The following TENM2 variants were observed in gnomAD, a reference collection of about 807,000 sequenced individuals.
TENM2 encodes teneurin transmembrane protein 2, also known as teneurin-2.
TENM2 carries 52 observed loss-of-function variants against 245.2 expected under a neutral mutation model. The observed-to-expected ratio is 0.21, with a 90% confidence interval of 0.17 to 0.27. TENM2 has a LOEUF of 0.27. Among genes scored for constraint, TENM2 ranks in the 10% least tolerant of loss-of-function variants. The pLI is 1.00. For missense variants in TENM2, 3,046 were observed against 3,666.8 expected (o/e 0.83, Z 4.37); for synonymous variants, 1,363 against 1,438.9 (o/e 0.95, Z 1.19).
intron 2 of TENM2, among the ~76,000 whole-genome samples, chr5:167,819,387 G>A (rs1767324105): frequency 6.6e-6 from 1 of 152,232 alleles, no homozygotes; most frequent in South Asian, 2.1e-4. Context: ...TTCAGGAGAA[G>A]CTGTTGAGAG....
rs546874434 is a variant in TENM2 at position 168,065,854 on chromosome 5, GT to G, written c.1515+3602del. Among the ~76,000 whole-genome samples, 803 of 144,128 alleles carry G rather than the reference GT, an allele frequency of 5.6e-3. 4 individuals carry two copies. Among genetic ancestry groups the G allele is most frequent in the African/African-American group, 0.017 (672 of 39,546 alleles). 94.6% of individuals were successfully genotyped at this position (144,128 alleles called of 152,430 possible). A position where few individuals can be genotyped will look rare whatever the true frequency, so the allele number is the denominator to read the frequency against. ...ATAATGGTAGCCTCAAAGAACAAAG[GT>G]TTTTTTTTTTTTCTTGTTTATGCTA... is the stretch of plus-strand genomic sequence containing the variant. On this transcript the variant is annotated intron_variant, in intron 7 of 28. Coordinates refer to ENST00000518659, the Ensembl canonical transcript of TENM2.
At chr5:167,632,586 C>T (rs1251408145) in intron 2 of TENM2, among the ~76,000 whole-genome samples, 2 of 152,080 alleles carry the variant, frequency 1.3e-5, no homozygotes, top group Non-Finnish European at 2.9e-5. Flanking sequence ...AATTTCAAAG[C>T]AGTTTGTTTA....
chr5:167,489,669 G>C (rs1218197615), intron 2 of TENM2, among the ~76,000 whole-genome samples: 1 of 152,060 alleles, frequency 6.6e-6, no homozygotes, highest in Non-Finnish European at 1.5e-5. Context: ...CTTCATTAAG[G>C]CTGGGATTTT....
chr5:168,007,207 A>C (rs1784890612), intron 5 of TENM2, among the ~76,000 whole-genome samples: 1 of 151,758 alleles, frequency 6.6e-6, no homozygotes, highest in Non-Finnish European at 1.5e-5. Flanking sequence ...GCTCACTGCA[A>C]CACCTCTGCC....
chr5:167,314,103 A>G (rs574102693), intron 1 of TENM2, among the ~76,000 whole-genome samples: 18 of 152,296 alleles, frequency 1.2e-4, no homozygotes, highest in African/African-American at 4.3e-4. Flanking sequence ...ATAATGTTGG[A>G]AGGAAATTGG....
chr5:168,058,244 A>C (rs1208933452), intron 6 of TENM2, among the ~76,000 whole-genome samples: 1 of 152,182 alleles, frequency 6.6e-6, no homozygotes, highest in Non-Finnish European at 1.5e-5. Flanking sequence ...CTGTCATCAC[A>C]GGGGTTTTGT....
the TENM2 span, among the ~76,000 whole-genome samples, chr5:167,003,504 C>A: frequency 2.6e-5 from 4 of 152,186 alleles, no homozygotes; most frequent in Non-Finnish European, 5.9e-5. Context: ...TAGTTGAAAT[C>A]ACTTCATGGC....
At chr5:167,153,544 A>C in the TENM2 span, among the ~76,000 whole-genome samples, 1 of 152,066 alleles carries the variant, frequency 6.6e-6, no homozygotes, top group Non-Finnish European at 1.5e-5. Context: ...GAGGGCAGGC[A>C]CATTCAGTGT....
chr5:167,884,631 C>A (rs527764459), intron 3 of TENM2, among the ~76,000 whole-genome samples: 2 of 152,162 alleles, frequency 1.3e-5, no homozygotes, highest in Non-Finnish European at 2.9e-5. Context: ...CCTTATATAC[C>A]ACATTTTGTT....
At chr5:167,836,279 T>G (rs1014591271) in intron 2 of TENM2, among the ~76,000 whole-genome samples, 4 of 152,212 alleles carry the variant, frequency 2.6e-5, no homozygotes, top group African/African-American at 9.6e-5. Context: ...TAATTTAAAT[T>G]TTTAATTGCC....
chr5:167,680,034 A>T (rs957923259), intron 2 of TENM2, among the ~76,000 whole-genome samples: 30 of 151,962 alleles, frequency 2.0e-4, no homozygotes, highest in African/African-American at 7.3e-4. Flanking sequence ...TTAACTCCTT[A>T]CCCTGTGTCT....
chr5:167,566,420 G>A (rs1373989627), intron 2 of TENM2, among the ~76,000 whole-genome samples: 1 of 152,096 alleles, frequency 6.6e-6, no homozygotes, highest in Non-Finnish European at 1.5e-5. Context: ...CAGATATTCA[G>A]CATCAGAAAT....
At chr5:167,916,115 A>G (rs1414604535) in intron 3 of TENM2, among the ~76,000 whole-genome samples, 1 of 152,204 alleles carries the variant, frequency 6.6e-6, no homozygotes, top group African/African-American at 2.4e-5. Flanking sequence ...AACACTTTTC[A>G]TGGATTATCG....
the TENM2 span, among the ~76,000 whole-genome samples, chr5:167,050,958 T>C: frequency 6.6e-6 from 1 of 152,202 alleles, no homozygotes; most frequent in Non-Finnish European, 1.5e-5. Flanking sequence ...TCATGAGATA[T>C]ACTTCAGTTT....
chr5:167,030,649 A>C, the TENM2 span, among the ~76,000 whole-genome samples: 1 of 152,006 alleles, frequency 6.6e-6, no homozygotes, highest in African/African-American at 2.4e-5. Flanking sequence ...CTCCGTGTTT[A>C]CATCTTCCTT....
the TENM2 span, among the ~76,000 whole-genome samples, chr5:167,048,716 A>C: frequency 6.6e-6 from 1 of 152,206 alleles, no homozygotes; most frequent in Non-Finnish European, 1.5e-5. Flanking sequence ...ATTGCTGCTA[A>C]ATAAATGCCT....
intron 2 of TENM2, among the ~76,000 whole-genome samples, chr5:167,603,485 C>T (rs1236684631): frequency 6.6e-6 from 1 of 152,020 alleles, no homozygotes; most frequent in Non-Finnish European, 1.5e-5. Flanking sequence ...GAGTTTGAGA[C>T]CAGCCTGGGC....
At chr5:167,072,211 A>G in the TENM2 span, among the ~76,000 whole-genome samples, 1 of 152,200 alleles carries the variant, frequency 6.6e-6, no homozygotes, top group Non-Finnish European at 1.5e-5. Flanking sequence ...TTTAGCATCC[A>G]AGACGAGAAT....
the TENM2 span, among the ~76,000 whole-genome samples, chr5:166,999,519 G>A: frequency 6.6e-5 from 10 of 152,134 alleles, no homozygotes; most frequent in African/African-American, 1.9e-4. Context: ...TGGTGATTTT[G>A]TTGAAAGATG....
Sources: gnomAD v4.1 joint callset for allele counts (sites outside exome capture counted in the v4.1 genomes callset) on GRCh38, gnomAD v4.1.1 for gene constraint, MANE v1.5 for transcripts, NCBI Gene and HGNC (gene_info 2026-07-23, HGNC 2026-07-21) for gene names.